PCDH15: variants seen among roughly 807,000 people sequenced by gnomAD.
PCDH15 encodes the protein protocadherin related 15.
Under a neutral mutation model 178.5 loss-of-function variants are expected in PCDH15, and 129 were observed. The ratio of observed to expected loss-of-function variants is 0.72; its 90% CI spans 0.63 to 0.84. PCDH15 has a LOEUF of 0.84. Among genes scored for constraint, PCDH15 ranks in the 40% least tolerant of loss-of-function variants. The probability of loss-of-function intolerance (pLI) is 0.00; values close to 1 mark genes in which losing one functional copy is unlikely to be tolerated. For synonymous variants in PCDH15, 800 were observed against 732.0 expected (o/e 1.09, Z -1.50); for missense variants, 2,230 against 2,099.9 (o/e 1.06, Z -1.21).
chr10:55,237,840 T>A (rs1841425416), intron 1 of PCDH15, among the ~76,000 whole-genome samples: 1 of 151,686 alleles, frequency 6.6e-6, no homozygotes, highest in Admixed American at 6.6e-5. Context: ...AAAAAAAAAA[T>A]GGAACATAAC....
intron 3 of PCDH15, among the ~76,000 whole-genome samples, chr10:54,506,859 G>T (rs1195720398): frequency 2.0e-5 from 3 of 151,836 alleles, no homozygotes; most frequent in African/African-American, 7.3e-5. Flanking sequence ...GAAGGTACCA[G>T]GACAGAATAA....
chr10:55,568,762 T>G (rs1050848542), intron 2 of PCDH15, among the ~76,000 whole-genome samples: 1 of 152,032 alleles, frequency 6.6e-6, no homozygotes, highest in African/African-American at 2.4e-5. Flanking sequence ...AAATGTAATT[T>G]TTTGAGTCAT....
At chr10:53,899,144 G>A (rs2082157379) in intron 26 of PCDH15, among the ~76,000 whole-genome samples, 1 of 125,402 alleles carries the variant, frequency 8.0e-6, no homozygotes, top group Non-Finnish European at 1.5e-5. Context: ...CTTTTTTTCG[G>A]GGGGGGGTGG....
At chr10:54,592,762 C>T (rs888846032) in intron 2 of PCDH15, among the ~76,000 whole-genome samples, 5 of 152,216 alleles carry the variant, frequency 3.3e-5, no homozygotes, top group African/African-American at 1.2e-4. Flanking sequence ...TTAAAGGAAT[C>T]TTCATATTGT....
At chr10:53,892,505 T>TAAAAAAAA (rs1487422802) in intron 26 of PCDH15, among the ~76,000 whole-genome samples, 1 of 150,698 alleles carries the variant, frequency 6.6e-6, no homozygotes, top group Admixed American at 6.6e-5. Flanking sequence ...CCTTCTACAA[T>TAAAAAAAA]AACAAACAAA....
intron 1 of PCDH15, among the ~76,000 whole-genome samples, chr10:54,799,190 G>A (rs1952377098): frequency 6.6e-6 from 1 of 151,928 alleles, no homozygotes; most frequent in Non-Finnish European, 1.5e-5. Flanking sequence ...TCAAACATAA[G>A]CTATGAACCA....
At chr10:55,348,281 T>C (rs1678626581) in intron 2 of PCDH15, among the ~76,000 whole-genome samples, 1 of 152,180 alleles carries the variant, frequency 6.6e-6, no homozygotes, top group Admixed American at 6.6e-5. Flanking sequence ...GGCTACTATA[T>C]GAATACACAT....
intron 27 of PCDH15, among the ~76,000 whole-genome samples, chr10:53,858,051 A>T (rs2078871239): frequency 6.6e-6 from 1 of 152,090 alleles, no homozygotes; most frequent in African/African-American, 2.4e-5. Flanking sequence ...TAATAACTTA[A>T]TCCTAATTAA....
At chr10:54,791,401 A>T (rs1951395600) in intron 1 of PCDH15, among the ~76,000 whole-genome samples, 2 of 151,886 alleles carry the variant, frequency 1.3e-5, no homozygotes, top group South Asian at 4.1e-4. Context: ...GTTGAATTCA[A>T]ACTGGAGAAT....
At chr10:54,877,934 CTCTCTTTTTTTTTTTTTTTTTT>C (rs1204596082) in intron 3 of PCDH15, among the ~76,000 whole-genome samples, 1,635 of 28,670 alleles carry the variant, frequency 0.057, 67 homozygotes, top group South Asian at 0.16. Context: ...TTCTCTCTCT[CTCTCTTTTTTTTTTTTTTTTTT>C]TTTTTTTTTT....
intron 2 of PCDH15, among the ~76,000 whole-genome samples, chr10:55,582,628 A>ATATATTT (rs780312007): frequency 3.0e-4 from 21 of 69,038 alleles, no homozygotes; most frequent in African/African-American, 1.3e-3. Context: ...ATATATATAT[A>ATATATTT]TTTTTTTTTT....
chr10:53,972,269 C>A lies in PCDH15; in HGVS notation c.2869-10377G>T, dbSNP rs1038048574. Among the ~76,000 whole-genome samples, 6 of 84,356 alleles carry A rather than the reference C, an allele frequency of 7.1e-5. No homozygotes were observed. The East Asian group carries it at 3.7e-3, about 52-fold the overall frequency. 55.3% of individuals were successfully genotyped at this position (84,356 alleles called of 152,430 possible). ...GCTGAAACTGGATCCCTTCCTTACA[C>A]CTTATACAAAAATTAATTCAAGATG... On this transcript the variant is annotated intron_variant, in intron 21 of 37. Transcript: ENST00000644397.
intron 25 of PCDH15, among the ~76,000 whole-genome samples, chr10:53,920,722 C>G (rs1310231883): frequency 6.6e-6 from 1 of 152,116 alleles, no homozygotes; most frequent in Non-Finnish European, 1.5e-5. Flanking sequence ...TGCAAATCTT[C>G]ATTTTCTTTT....
chr10:54,013,435 C>G (rs117177789), intron 20 of PCDH15, among the ~76,000 whole-genome samples: 4,645 of 152,112 alleles, frequency 0.031, 109 homozygotes, highest in East Asian at 0.1. Flanking sequence ...AACTCTCCAC[C>G]CAAAAACAAC....
At chr10:54,581,836 T>C (rs1033550011) in intron 2 of PCDH15, among the ~76,000 whole-genome samples, 2 of 152,010 alleles carry the variant, frequency 1.3e-5, no homozygotes, top group African/African-American at 2.4e-5. Context: ...GTTCAATATA[T>C]GGTACTCAAA....
intron 25 of PCDH15, among the ~76,000 whole-genome samples, chr10:53,924,867 T>TA (rs1448482331): frequency 2.0e-5 from 3 of 152,128 alleles, no homozygotes; most frequent in Non-Finnish European, 4.4e-5. Context: ...CATCAATCAG[T>TA]ACCCTGTGTC....
intron 2 of PCDH15, among the ~76,000 whole-genome samples, chr10:54,645,635 A>C (rs1275881412): frequency 6.6e-6 from 1 of 152,180 alleles, no homozygotes; most frequent in Non-Finnish European, 1.5e-5. Flanking sequence ...ACACAGAATG[A>C]AGTATGTAGA....
chr10:53,914,716 A>T (rs1173327155), intron 25 of PCDH15, among the ~76,000 whole-genome samples: 2 of 152,210 alleles, frequency 1.3e-5, no homozygotes, highest in Non-Finnish European at 2.9e-5. Context: ...ATACCTATGT[A>T]ACAAACATGC....
intron 16 of PCDH15, among the ~76,000 whole-genome samples, chr10:54,087,047 T>C (rs910838202): frequency 2.4e-4 from 36 of 152,280 alleles, no homozygotes; most frequent in African/African-American, 8.2e-4. Context: ...AAAAATCTCT[T>C]GGCATCAAGG....
Sources: allele counts gnomAD v4.1 joint callset (sites outside exome capture counted in the v4.1 genomes callset), GRCh38; gene constraint gnomAD v4.1.1; transcripts MANE v1.5; gene names NCBI Gene and HGNC (gene_info 2026-07-23, HGNC 2026-07-21).